The following SKAP1 variants were observed in gnomAD, a reference collection of about 807,000 sequenced individuals.
The protein encoded by SKAP1 is src kinase associated phosphoprotein 1, also known as src kinase-associated phosphoprotein 1.
A neutral mutation model predicts 58.5 loss-of-function variants in SKAP1; 44 were observed. The ratio of observed to expected loss-of-function variants is 0.75; its 90% CI spans 0.59 to 0.97. The LOEUF is 0.97. Among genes scored for constraint, SKAP1 ranks in the 50% least tolerant of loss-of-function variants. SKAP1 has a pLI of 0.00. For missense variants in SKAP1, 390 were observed against 435.2 expected (o/e 0.90, Z 0.92); for synonymous variants, 127 against 149.7 (o/e 0.85, Z 1.11).
At chr17:48,328,353 A>C (rs1009996715) in intron 4 of SKAP1, among the ~76,000 whole-genome samples, 3 of 152,224 alleles carry the variant, frequency 2.0e-5, no homozygotes, top group Non-Finnish European at 4.4e-5. Context: ...CTATCTCTTG[A>C]GAAAGATTAG....
chr17:48,352,673 A>G (rs1009513927), intron 3 of SKAP1, among the ~76,000 whole-genome samples: 3 of 152,170 alleles, frequency 2.0e-5, no homozygotes, highest in Non-Finnish European at 4.4e-5. Context: ...GCTCTGGGTC[A>G]AGACTTTTTG....
At chr17:48,361,594 C>T (rs771647910) in intron 3 of SKAP1, among the ~76,000 whole-genome samples, 3 of 152,180 alleles carry the variant, frequency 2.0e-5, no homozygotes, top group Non-Finnish European at 2.9e-5. Context: ...TCCTTCCAGG[C>T]ACCAGACCTG....
At chr17:48,167,689 G>T (rs2064158589) in intron 10 of SKAP1, among the ~76,000 whole-genome samples, 1 of 152,162 alleles carries the variant, frequency 6.6e-6, no homozygotes, top group Non-Finnish European at 1.5e-5. Flanking sequence ...GACTGAAGGA[G>T]GTACGGGTGG....
intron 1 of SKAP1, among the ~76,000 whole-genome samples, chr17:48,403,190 C>T (rs935777604): frequency 7.0e-6 from 1 of 141,856 alleles, no homozygotes; most frequent in South Asian, 2.2e-4. Flanking sequence ...AATCAAGACC[C>T]TGTCTCTACA....
At chr17:48,239,051 G>A (rs1193708314) in intron 4 of SKAP1, among the ~76,000 whole-genome samples, 2 of 152,186 alleles carry the variant, frequency 1.3e-5, no homozygotes, top group African/African-American at 4.8e-5. Context: ...TTAGTGACTT[G>A]AAAACAGAAA....
At chr17:48,331,632 G>C (rs1463305183) in intron 4 of SKAP1, among the ~76,000 whole-genome samples, 1 of 152,050 alleles carries the variant, frequency 6.6e-6, no homozygotes, top group African/African-American at 2.4e-5. Context: ...CCGGGAGGCG[G>C]AGGTTGCTGT....
chr17:48,180,669 G>C (rs2064356135), intron 8 of SKAP1, among the ~76,000 whole-genome samples: 1 of 152,190 alleles, frequency 6.6e-6, no homozygotes, highest in South Asian at 2.1e-4. Context: ...GAGCTAAGGT[G>C]GCCTCTGTAG....
At chr17:48,416,079 A>C (rs1195880223) in intron 1 of SKAP1, among the ~76,000 whole-genome samples, 3 of 152,216 alleles carry the variant, frequency 2.0e-5, no homozygotes, top group Non-Finnish European at 2.9e-5. Flanking sequence ...TTTTTCCCAT[A>C]AAAACATTGC....
chr17:48,194,722 T>TCCC (rs916012247), intron 4 of SKAP1, among the ~76,000 whole-genome samples: 4 of 152,176 alleles, frequency 2.6e-5, no homozygotes, highest in African/African-American at 9.7e-5. Context: ...GTTCAAATCG[T>TCCC]CCCCCTGTTA....
At chr17:48,414,694 T>C (rs1009765860) in intron 1 of SKAP1, among the ~76,000 whole-genome samples, 1 of 152,084 alleles carries the variant, frequency 6.6e-6, no homozygotes, top group Non-Finnish European at 1.5e-5. Context: ...CAGGAAAAGA[T>C]GACTGAAGGA....
chr17:48,360,900 C>T (rs1453580028), intron 3 of SKAP1, among the ~76,000 whole-genome samples: 1 of 152,018 alleles, frequency 6.6e-6, no homozygotes, highest in African/African-American at 2.4e-5. Context: ...TGCTTACACA[C>T]ATTACTACTA....
At chr17:48,173,655 G>A (rs777330637) in intron 9 of SKAP1, among the ~76,000 whole-genome samples, 6 of 152,078 alleles carry the variant, frequency 3.9e-5, no homozygotes, top group Non-Finnish European at 7.4e-5. Context: ...GCTGTGCTTA[G>A]GCACTTTTGC....
chr17:48,211,728 G>T (rs1372617401), intron 4 of SKAP1, among the ~76,000 whole-genome samples: 1 of 152,186 alleles, frequency 6.6e-6, no homozygotes, highest in Non-Finnish European at 1.5e-5. Flanking sequence ...CCTCTATGGT[G>T]TTGGTAGTTT....
intron 9 of SKAP1, among the ~76,000 whole-genome samples, chr17:48,178,011 T>TG (rs144977957): frequency 0.022 from 3,365 of 152,226 alleles, 68 homozygotes; most frequent in Non-Finnish European, 0.029. Context: ...TTCATGCCCT[T>TG]GGGGCCACTC....
intron 4 of SKAP1, among the ~76,000 whole-genome samples, chr17:48,291,005 T>G (rs1435406374): frequency 6.6e-6 from 1 of 151,944 alleles, no homozygotes; most frequent in African/African-American, 2.4e-5. Flanking sequence ...TGTGGTGGCA[T>G]GCGCCTGTAA....
intron 4 of SKAP1, chr17:48,308,830 C>G (rs2066183233): frequency 6.6e-6 from 1 of 152,068 alleles, no homozygotes; most frequent in Non-Finnish European, 1.5e-5. Context: ...AGTTAATATA[C>G]ATAAAGCACT....
At chr17:48,315,153 C>T (rs1318071037) in intron 4 of SKAP1, among the ~76,000 whole-genome samples, 2 of 152,054 alleles carry the variant, frequency 1.3e-5, no homozygotes, top group African/African-American at 4.8e-5. Flanking sequence ...GTCAGAATTC[C>T]AGGTTTAAGA....
chr17:48,218,246 C>G (rs2064963288), intron 4 of SKAP1, among the ~76,000 whole-genome samples: 1 of 152,194 alleles, frequency 6.6e-6, no homozygotes, highest in Non-Finnish European at 1.5e-5. Flanking sequence ...GGAAGACTAG[C>G]TGGCAGAGTT....
At chr17:48,196,080 A>G (rs1471100999) in intron 4 of SKAP1, among the ~76,000 whole-genome samples, 1 of 152,236 alleles carries the variant, frequency 6.6e-6, no homozygotes, top group Non-Finnish European at 1.5e-5. Context: ...CAATATCCCT[A>G]TGAGGCATGT....
Sources: allele counts gnomAD v4.1 joint callset (sites outside exome capture counted in the v4.1 genomes callset), GRCh38; gene constraint gnomAD v4.1.1; transcripts MANE v1.5; gene names NCBI Gene and HGNC (gene_info 2026-07-23, HGNC 2026-07-21).